ESR2: variants seen among roughly 807,000 people sequenced by gnomAD.
ESR2 encodes estrogen receptor beta.
In ESR2, 36 loss-of-function variants were observed where a neutral mutation model predicts 49.6. The observed-to-expected ratio is 0.73, with a 90% confidence interval of 0.56 to 0.96. The LOEUF (loss-of-function observed/expected upper bound fraction) is 0.96. Among genes scored for constraint, ESR2 ranks in the 40% least tolerant of loss-of-function variants. The probability of loss-of-function intolerance (pLI) is 0.00; values close to 1 mark genes in which losing one functional copy is unlikely to be tolerated. For missense variants in ESR2, 714 were observed against 693.0 expected (o/e 1.03, Z -0.34); for synonymous variants, 320 against 266.1 (o/e 1.20, Z -1.97).
intron 6 of ESR2, among the ~76,000 whole-genome samples, chr14:64,253,610 ATG>A (rs1296316721): frequency 1.8e-5 from 2 of 110,576 alleles, no homozygotes; most frequent in East Asian, 2.6e-4. Context: ...GTGTGTATGT[ATG>A]TGTGTGTATA....
intron 7 of ESR2, among the ~76,000 whole-genome samples, chr14:64,237,147 A>G (rs996364700): frequency 1.8e-4 from 27 of 152,094 alleles, no homozygotes; most frequent in African/African-American, 6.0e-4. Flanking sequence ...TTTTCAGTAG[A>G]GACAGTGTTT....
chr14:64,327,333 G>A (rs930043153), intron 1 of ESR2, among the ~76,000 whole-genome samples: 2 of 152,120 alleles, frequency 1.3e-5, no homozygotes, highest in African/African-American at 2.4e-5. Flanking sequence ...GGCTGAGGCA[G>A]GTGAATCACC....
chr14:64,334,929 T>C (rs2077510335), intron 1 of ESR2, among the ~76,000 whole-genome samples: 1 of 152,212 alleles, frequency 6.6e-6, no homozygotes, highest in Non-Finnish European at 1.5e-5. Flanking sequence ...ATTACAAGCA[T>C]GAGCTACCAC....
chr14:64,233,852 C>T (rs1453084412), intron 8 of ESR2: 1 of 153,810 alleles, frequency 6.5e-6, no homozygotes, highest in Non-Finnish European at 1.4e-5. Context: ...ACAGCTTTTT[C>T]ACACCGAGGA....
intron 1 of ESR2, among the ~76,000 whole-genome samples, chr14:64,302,629 C>T (rs1458869572): frequency 6.6e-6 from 1 of 152,092 alleles, no homozygotes; most frequent in Non-Finnish European, 1.5e-5. Flanking sequence ...GTTTAGGAAA[C>T]ATTGCTTTAA....
chr14:64,231,806 T>G lies in ESR2; in HGVS notation c.*1331A>C, dbSNP rs1596359229. 2.0e-5 allele frequency: 3 copies of G among 152,238 alleles called. No homozygotes were observed. The highest frequency in any genetic ancestry group is 2.9e-5 in the Non-Finnish European group (2 of 68,032). The allele number at this position is 152,238 out of a possible 1,614,324, so 9.4% of individuals were successfully genotyped here. ...TGTTACTCATTTTACATATTCACCG[T>G]GTATCCAAAACTGGAAATTTCACAT... On this transcript the variant is annotated 3_prime_UTR_variant, in exon 9 of 9. Transcript: ENST00000341099.
intron 1 of ESR2, among the ~76,000 whole-genome samples, chr14:64,334,253 T>C (rs1334026159): frequency 6.6e-6 from 1 of 152,172 alleles, no homozygotes. Context: ...CAAACCTGTA[T>C]TATCTGAAAG....
In ESR2 at chr14:64,230,197, CA is replaced by C. The variant is rs34313437; in HGVS notation, c.*2939del. Among the ~76,000 whole-genome samples the C allele has an allele frequency of 0.5, 54,643 of 110,140 alleles. 10,473 individuals carry two copies. Among genetic ancestry groups the C allele is most frequent in the Middle Eastern group, 0.6 (120 of 200 alleles). 72.3% of individuals were successfully genotyped at this position (110,140 alleles called of 152,430 possible). A position where few individuals can be genotyped will look rare whatever the true frequency, so the allele number is the denominator to read the frequency against. ...GAGCAACAGGAGTCAGACCCTGTCT[CA>C]AAAAAAAAAAAAAAAAGGTGTCAAA... On this transcript the variant is annotated 3_prime_UTR_variant, in exon 9 of 9. Coordinates refer to ENST00000341099, the MANE Select transcript of ESR2 (RefSeq NM_001437.3).
At chr14:64,315,618 G>C (rs1249746786) in intron 1 of ESR2, among the ~76,000 whole-genome samples, 2 of 150,554 alleles carry the variant, frequency 1.3e-5, no homozygotes, top group African/African-American at 4.9e-5. Context: ...GGGACTACAG[G>C]CACGCACCAC....
chr14:64,235,377 T>C (rs2075574303), intron 7 of ESR2, among the ~76,000 whole-genome samples: 1 of 152,188 alleles, frequency 6.6e-6, no homozygotes, highest in African/African-American at 2.4e-5. Flanking sequence ...ACAGACTAAA[T>C]TGCCACCTGA....
intron 1 of ESR2, among the ~76,000 whole-genome samples, chr14:64,286,006 T>A: frequency 6.6e-6 from 1 of 151,968 alleles, no homozygotes; most frequent in East Asian, 1.9e-4. Context: ...ACATTAAAGA[T>A]GGGGGGTGCT....
chr14:64,280,705 G>A (rs551301622), intron 2 of ESR2, among the ~76,000 whole-genome samples: 68 of 152,190 alleles, frequency 4.5e-4, no homozygotes, highest in Non-Finnish European at 7.5e-4. Context: ...TCAGATAAAG[G>A]TCTAGATTTA....
intron 1 of ESR2, among the ~76,000 whole-genome samples, chr14:64,292,958 A>G (rs2076896405): frequency 1.3e-5 from 2 of 152,222 alleles, no homozygotes; most frequent in African/African-American, 2.4e-5. Context: ...CTTAAGTGTT[A>G]ACAAGCATCT....
chr14:64,332,528 CG>C (rs1180199415), intron 1 of ESR2, among the ~76,000 whole-genome samples: 1 of 152,048 alleles, frequency 6.6e-6, no homozygotes, highest in Admixed American at 6.6e-5. Flanking sequence ...TAACCAGGCA[CG>C]GTGGCTCACG....
In ESR2 at chr14:64,228,853, CGAT is replaced by C. The variant is rs1646292829; in HGVS notation, c.*4281_*4283del. 6.6e-6 allele frequency among the ~76,000 whole-genome samples: 1 copy of C among 152,200 alleles called. No homozygotes were observed. Among genetic ancestry groups the C allele is most frequent in the Non-Finnish European group, 1.5e-5 (1 of 68,016 alleles). ...CTCCAAAGCAACAAAAATGGCACTA[CGAT>C]CATACATCACAGACAATGCACATCT... On this transcript the variant is annotated 3_prime_UTR_variant, in exon 9 of 9. Transcript: ENST00000341099.
chr14:64,270,667 G>A (rs777674046), intron 3 of ESR2, among the ~76,000 whole-genome samples: 11 of 151,910 alleles, frequency 7.2e-5, no homozygotes, highest in Non-Finnish European at 7.4e-5. Flanking sequence ...CCACCACCAC[G>A]CCCAGCTAAT....
At position 64,310,277 on chromosome 14, in the gene ESR2, C is replaced by T. The variant is rs567636729; in HGVS notation, c.-90-27202G>A. ...GACAAAGTGAGACAAAGTAAGACGT[C>T]GTCTCAAAAAATAATAATAATAATA... On this transcript the variant is annotated intron_variant, in intron 1 of 8. Transcript: ENST00000358599. Among the ~76,000 whole-genome samples the T allele has an allele frequency of 2.6e-4, 31 of 121,100 alleles. 1 individual carries two copies. Among genetic ancestry groups the T allele is most frequent in the Non-Finnish European group, 4.3e-4 (26 of 61,046 alleles). 79.4% of individuals were successfully genotyped at this position (121,100 alleles called of 152,430 possible).
At chr14:64,288,546 C>A (rs1414696334) in intron 1 of ESR2, among the ~76,000 whole-genome samples, 1 of 151,874 alleles carries the variant, frequency 6.6e-6, no homozygotes, top group African/African-American at 2.4e-5. Context: ...GACGGGGTTT[C>A]ACCATGTTAG....
At chr14:64,236,556 G>A (rs2075603617) in intron 7 of ESR2, among the ~76,000 whole-genome samples, 1 of 151,980 alleles carries the variant, frequency 6.6e-6, no homozygotes, top group South Asian at 2.1e-4. Context: ...AGGTACCAGG[G>A]CCCTCCCCGC....
Sources: allele counts gnomAD v4.1 joint callset (sites outside exome capture counted in the v4.1 genomes callset), GRCh38; gene constraint gnomAD v4.1.1; transcripts MANE v1.5; gene names NCBI Gene and HGNC (gene_info 2026-07-23, HGNC 2026-07-21).